Variants in FAR2 observed in about 807,000 individuals in gnomAD.
FAR2 encodes the protein epididymis secretory protein Li 81.
In FAR2, 19 loss-of-function variants were observed where a neutral mutation model predicts 56.0. That is an observed-to-expected ratio of 0.34 (90% confidence interval 0.24 to 0.50). FAR2 has a LOEUF of 0.50. FAR2 is among the 20% of genes least tolerant of loss of function. The pLI, the probability that FAR2 is intolerant of heterozygous loss-of-function variation, is 0.98. For synonymous variants in FAR2, 219 were observed against 218.8 expected, an observed-to-expected ratio of 1.00 and a Z score of -0.01; for missense variants, 508 against 642.2, an observed-to-expected ratio of 0.79 and a Z score of 2.26.
rs73073757 is a variant in FAR2, at chr12:29,161,344, G to A, written c.-39+11937G>A. 4.8e-3 allele frequency among the ~76,000 whole-genome samples: 727 copies of A among 152,280 alleles called. 4 individuals are homozygous for A. Among genetic ancestry groups the A allele is most frequent in the Middle Eastern group, 0.017 (5 of 292 alleles). ...GACTTCTAAGTCACAGATTAGCCAA[G>A]TTCAAACATAGATTAGCTTTACCAG... On this transcript the variant is annotated intron_variant, in intron 1 of 11. Coordinates refer to ENST00000536681, the MANE Select transcript of FAR2 (RefSeq NM_001271783.2).
At chr12:29,253,225 C>CTATATCTA (rs1276187294) in intron 1 of FAR2, among the ~76,000 whole-genome samples, 1 of 104,120 alleles carries the variant, frequency 9.6e-6, no homozygotes, top group African/African-American at 3.7e-5. Context: ...ATATCGATAT[C>CTATATCTA]TATCTAGATA....
At chr12:29,332,027 T>A (rs1289816650) in intron 10 of FAR2, 1 of 153,540 alleles carries the variant, frequency 6.5e-6, no homozygotes, top group Non-Finnish European at 1.4e-5. Context: ...CTTCTCCTTC[T>A]TCCCTACTCC....
chr12:29,188,140 C>A (rs1454690333), intron 1 of FAR2, among the ~76,000 whole-genome samples: 1 of 152,164 alleles, frequency 6.6e-6, no homozygotes, highest in Non-Finnish European at 1.5e-5. Flanking sequence ...ATTATTGTAT[C>A]ACTATGAAAC....
At chr12:29,225,124 T>C (rs1258502998) in intron 1 of FAR2, among the ~76,000 whole-genome samples, 1 of 152,050 alleles carries the variant, frequency 6.6e-6, no homozygotes, top group African/African-American at 2.4e-5. Flanking sequence ...TAGTCCTAGC[T>C]ACTTGGGAGA....
At position 29,310,976 on chromosome 12, in the gene FAR2, C is replaced by T. The variant is rs899957528; in HGVS notation, c.769-52C>T. The T allele has an allele frequency of 2.2e-6, 3 of 1,348,480 alleles. No homozygotes were observed. In the Admixed American group the frequency reaches 5.0e-5, roughly 23 times the overall value. The allele number at this position is 1,348,480 out of a possible 1,614,324, so 83.5% of individuals were successfully genotyped here. ...AGTTTGATGATACATACTTTAGCCC[C>T]AGCTATTATTTAAGACCTGGTTTAA... On this transcript the variant is annotated intron_variant, in intron 6 of 11. Coordinates refer to ENST00000536681, the MANE Select transcript of FAR2 (RefSeq NM_001271783.2).
intron 1 of FAR2, among the ~76,000 whole-genome samples, chr12:29,211,837 G>A (rs577778562): frequency 1.3e-5 from 2 of 149,956 alleles, no homozygotes; most frequent in African/African-American, 4.9e-5. Context: ...TACTTAAGCC[G>A]AGGTCATCCC....
In FAR2 at chr12:29,299,162, G is replaced by A. The variant is rs550412587; in HGVS notation, c.545+1962G>A. ...CAGGAGGTGGAGGTTGCAGTGAGCTGAGATTGCACCATTGCACCCCAGCCT... is the reference window on the plus strand; with the variant it reads ...CAGGAGGTGGAGGTTGCAGTGAGCTAAGATTGCACCATTGCACCCCAGCCT... On this transcript the variant is annotated intron_variant, in intron 4 of 11. Coordinates refer to ENST00000536681, the MANE Select transcript of FAR2 (RefSeq NM_001271783.2). Among the ~76,000 whole-genome samples, 10 of 143,358 alleles carry A rather than the reference G, an allele frequency of 7.0e-5. No homozygotes were observed. In the South Asian group the frequency reaches 2.2e-3, roughly 32 times the overall value. The allele number at this position is 143,358 out of a possible 152,430, so 94.0% of individuals were successfully genotyped here.
At chr12:29,249,282 C>T (rs1948173074) in intron 1 of FAR2, among the ~76,000 whole-genome samples, 1 of 152,216 alleles carries the variant, frequency 6.6e-6, no homozygotes, top group African/African-American at 2.4e-5. Flanking sequence ...TCTGCCATGG[C>T]TTCAGCCGGT....
At chr12:29,239,451 A>AGT (rs1555112999) in intron 1 of FAR2, among the ~76,000 whole-genome samples, 1 of 60,300 alleles carries the variant, frequency 1.7e-5, no homozygotes, top group African/African-American at 6.1e-5. Context: ...AAATGAATCA[A>AGT]CTGTGTGTGT....
chr12:29,267,795 A>G (rs1948543720), intron 1 of FAR2, among the ~76,000 whole-genome samples: 1 of 152,206 alleles, frequency 6.6e-6, no homozygotes, highest in South Asian at 2.1e-4. Context: ...TGAAATCCAG[A>G]TTTCCTAAAA....
intron 1 of FAR2, among the ~76,000 whole-genome samples, chr12:29,256,878 G>A (rs899511115): frequency 6.6e-6 from 1 of 152,246 alleles, no homozygotes; most frequent in Non-Finnish European, 1.5e-5. Context: ...CTGCCTTCCT[G>A]TGGGACAGGG....
rs185167077 is a variant in FAR2, at chr12:29,247,911, T to C, written c.-38-22501T>C. Among the ~76,000 whole-genome samples the C allele has an allele frequency of 9.3e-4, 142 of 152,350 alleles. 1 individual carries two copies. Among genetic ancestry groups the C allele is most frequent in the Admixed American group, 2.4e-3 (36 of 15,304 alleles). On this transcript the variant is annotated intron_variant, in intron 1 of 11. Transcript: ENST00000536681. ...TTTACACTACATTTTTCAACATCAT[T>C]AAGTAGCCATTTGTTTCAACTTTTA...
At chr12:29,322,228 C>A (rs972318303) in intron 10 of FAR2, among the ~76,000 whole-genome samples, 12 of 152,172 alleles carry the variant, frequency 7.9e-5, no homozygotes, top group African/African-American at 2.9e-4. Flanking sequence ...TTCTACAAAC[C>A]CTCAGTACCT....
Position 29,289,592 on chromosome 12 carries a change from A to G in FAR2, c.190-3708A>G, listed in dbSNP as rs896653785. 6.6e-5 allele frequency among the ~76,000 whole-genome samples: 10 copies of G among 152,360 alleles called. No homozygotes were observed. In the South Asian group the frequency reaches 1.7e-3, roughly 25 times the overall value. On this transcript the variant is annotated intron_variant, in intron 2 of 11. Transcript: ENST00000536681. The stretch of plus-strand genomic sequence containing the variant: ...GACTTCAAACTATGAAACTACTACA[A>G]GAAAACATTTGGGAAAATCTCCAGG...
intron 2 of FAR2, chr12:29,281,328 T>A (rs1221439319): frequency 6.6e-6 from 1 of 152,200 alleles, no homozygotes; most frequent in Non-Finnish European, 1.5e-5. Flanking sequence ...AAATCCTGAT[T>A]AGCGAGTATT....
chr12:29,227,220 A>G (rs1947783515), intron 1 of FAR2, among the ~76,000 whole-genome samples: 1 of 152,176 alleles, frequency 6.6e-6, no homozygotes, highest in Non-Finnish European at 1.5e-5. Flanking sequence ...TTTGATGCTG[A>G]GAGCTGGTAA....
At chr12:29,259,130 GT>G (rs1948375897) in intron 1 of FAR2, among the ~76,000 whole-genome samples, 2 of 152,162 alleles carry the variant, frequency 1.3e-5, no homozygotes, top group Non-Finnish European at 1.5e-5. Flanking sequence ...ATTAAAGAAG[GT>G]TCTAGAAAAA....
intron 1 of FAR2, among the ~76,000 whole-genome samples, chr12:29,254,709 T>C (rs1488607450): frequency 6.6e-6 from 1 of 152,150 alleles, no homozygotes; most frequent in Non-Finnish European, 1.5e-5. Flanking sequence ...CCCAGCACTT[T>C]GGGAGGCCGA....
chr12:29,274,677 C>T (rs2136713740), intron 2 of FAR2, among the ~76,000 whole-genome samples: 1 of 152,100 alleles, frequency 6.6e-6, no homozygotes, highest in Admixed American at 6.5e-5. Context: ...ATGGCCTGTT[C>T]CTGCCTTAAC....
Sources: gnomAD v4.1 joint callset for allele counts (sites outside exome capture counted in the v4.1 genomes callset) on GRCh38, gnomAD v4.1.1 for gene constraint, MANE v1.5 for transcripts, NCBI Gene and HGNC (gene_info 2026-07-23, HGNC 2026-07-21) for gene names.